The following PCDH10 variants were observed in gnomAD, a reference collection of about 807,000 sequenced individuals.
PCDH10 encodes the protein protocadherin-10.
In PCDH10, 15 loss-of-function variants were observed where a neutral mutation model predicts 74.4. The ratio of observed to expected loss-of-function variants is 0.20; its 90% CI spans 0.13 to 0.31. PCDH10 has a LOEUF of 0.31. Ranked by LOEUF, PCDH10 falls within the 10% of genes least tolerant of loss-of-function variation. The probability of loss-of-function intolerance (pLI) is 1.00; values close to 1 mark genes in which losing one functional copy is unlikely to be tolerated. For missense variants in PCDH10, 1,260 were observed against 1,390.2 expected, an observed-to-expected ratio of 0.91 and a Z score of 1.49; for synonymous variants, 619 against 589.8, an observed-to-expected ratio of 1.05 and a Z score of -0.72.
In PCDH10 at chr4:133,152,067, C is replaced by A. The variant is rs776356564; in HGVS notation, c.1927C>A (p.Arg643=). ...WRTGELRTAR[R]VPAKRDPQRP... ...CACCGGGGAGCTGCGCACAGCACGC[C>A]GAGTCCCGGCCAAGCGCGACCCCCA... Residue 643 remains arginine (R), a synonymous_variant, in exon 1 of 5, where the codon CGA becomes AGA. Transcript: ENST00000264360. 2.9e-5 allele frequency: 46 copies of A among 1,604,796 alleles called. No individual in the cohort carries two copies. The highest frequency in any genetic ancestry group is 3.3e-4 in the Middle Eastern group (2 of 6,020).
chr4:133,189,220 T>C (rs1727605713), intron 4 of PCDH10, among the ~76,000 whole-genome samples: 1 of 152,174 alleles, frequency 6.6e-6, no homozygotes, highest in Non-Finnish European at 1.5e-5. Flanking sequence ...CTTTGTAACT[T>C]TTAATGAGAT....
Position 133,152,364 on chromosome 4 carries a change from A to C in PCDH10, c.2224A>C (p.Lys742Gln), listed in dbSNP as rs752199952. 1.2e-6 allele frequency: 2 copies of C among 1,614,056 alleles called. No individual in the cohort carries two copies. Among genetic ancestry groups the C allele is most frequent in the Non-Finnish European group, 1.7e-6 (2 of 1,180,042 alleles). The change falls in exon 1 of 5, where the codon AAA (lysine) becomes CAA (glutamine). Residue 742 changes from lysine to glutamine, a missense_variant. By Grantham distance (53) the Lys-to-Gln change is moderately conservative. Around this residue, in one of 11 missense-constraint regions of PCDH10, gnomAD observed 587 missense variants for 616.9 expected, o/e 0.95. Coordinates refer to ENST00000264360, the MANE Select transcript of PCDH10 (RefSeq NM_032961.3). ...AMIVLAVRCQ[K>Q]EKKLNIYTCL... ...GATCGTGCTGGCCGTGCGTTGCCAA[A>C]AAGAGAAGAAGCTCAACATCTATAC...
intron 2 of PCDH10, among the ~76,000 whole-genome samples, chr4:133,206,419 C>T (rs1028959854): frequency 6.6e-5 from 10 of 152,114 alleles, no homozygotes; most frequent in African/African-American, 2.2e-4. Flanking sequence ...GGAGGTCTAA[C>T]TGCTTCTTAA....
intron 4 of PCDH10, among the ~76,000 whole-genome samples, chr4:133,176,852 A>G (rs1727306035): frequency 6.6e-6 from 1 of 152,146 alleles, no homozygotes; most frequent in Non-Finnish European, 1.5e-5. Context: ...TTGGTTATAT[A>G]CAACAGTGAA....
rs1727694230 is a variant in PCDH10 at position 133,192,281 on chromosome 4, A to G, written c.*2121A>G. On this transcript the variant is annotated 3_prime_UTR_variant, in exon 5 of 5. Transcript: ENST00000264360. ...ACTATTTTAGTAAGGAAATGTTTAT[A>G]CATAATTTAACTGGAAAAAAGTCTG... 6.6e-6 allele frequency: 1 copy of G among 151,684 alleles called. No homozygotes were observed. The highest frequency in any genetic ancestry group is 2.4e-5 in the African/African-American group (1 of 41,414). 9.4% of individuals were successfully genotyped at this position (151,684 alleles called of 1,614,324 possible).
At chr4:133,188,751 G>A (rs1232535470) in intron 4 of PCDH10, among the ~76,000 whole-genome samples, 1 of 132,182 alleles carries the variant, frequency 7.6e-6, no homozygotes, top group Non-Finnish European at 1.5e-5. Context: ...TCAGCTCACT[G>A]CAACCTCTGC....
chr4:133,200,820 T>C (rs1727894335), intron 2 of PCDH10, among the ~76,000 whole-genome samples: 1 of 152,212 alleles, frequency 6.6e-6, no homozygotes, highest in South Asian at 2.1e-4. Flanking sequence ...CTGTGTCTTA[T>C]TTTAAAATTG....
intron 1 of PCDH10, among the ~76,000 whole-genome samples, 194 bp from the exon 2 acceptor site, chr4:133,154,113 T>G (rs983311888): frequency 1.3e-5 from 2 of 152,134 alleles, no homozygotes; most frequent in African/African-American, 4.8e-5. Context: ...GTGACTAAAA[T>G]GTGGATTTAA....
chr4:133,183,421 T>C (rs1210109398), intron 4 of PCDH10, among the ~76,000 whole-genome samples: 1 of 152,072 alleles, frequency 6.6e-6, no homozygotes, highest in Non-Finnish European at 1.5e-5. Flanking sequence ...GAAAAAAATC[T>C]GTAATGTTTC....
intron 4 of PCDH10, among the ~76,000 whole-genome samples, chr4:133,184,488 T>C (rs1233837446): frequency 2.0e-5 from 3 of 151,538 alleles, no homozygotes; most frequent in Non-Finnish European, 4.4e-5. Context: ...CCTGGCGTTG[T>C]GGTGCGCAAC....
chr4:133,171,935 C>A (rs1266851293), intron 4 of PCDH10, among the ~76,000 whole-genome samples: 1 of 151,334 alleles, frequency 6.6e-6, no homozygotes, highest in Non-Finnish European at 1.5e-5. Flanking sequence ...TGATTCTTTA[C>A]TTACCTCAAT....
chr4:133,169,933 AAAT>A (rs1390234584), intron 4 of PCDH10, among the ~76,000 whole-genome samples: 2 of 152,050 alleles, frequency 1.3e-5, no homozygotes, highest in Non-Finnish European at 2.9e-5. Context: ...GTTCAAGTTT[AAAT>A]AATATTACTG....
intron 2 of PCDH10, among the ~76,000 whole-genome samples, chr4:133,205,982 G>C (rs1164887274): frequency 6.6e-6 from 1 of 152,114 alleles, no homozygotes; most frequent in African/African-American, 2.4e-5. Context: ...TTGGCTGTCA[G>C]CTCATAATTA....
intron 4 of PCDH10, among the ~76,000 whole-genome samples, chr4:133,181,646 G>A (rs988379813): frequency 1.3e-5 from 2 of 149,826 alleles, no homozygotes; most frequent in Non-Finnish European, 3.0e-5. Context: ...CTTTAGTGCA[G>A]GGTTGTTTTT....
At chr4:133,154,451 T>A in intron 2 of PCDH10, 86 bp downstream of exon 2, 1 of 709,656 alleles carries the variant, frequency 1.4e-6, no homozygotes, top group Non-Finnish European at 2.4e-6. Flanking sequence ...TAAATTAAAA[T>A]TGAAATGTAT....
chr4:133,163,768 C>T (rs1290500139), intron 4 of PCDH10: 1 of 350,116 alleles, frequency 2.9e-6, no homozygotes, highest in African/African-American at 2.2e-5. Context: ...ATTTCATCTA[C>T]TACAAAAATA....
At chr4:133,190,058 T>C in intron 4 of PCDH10, 83 bp from the exon 5 acceptor site, 1 of 1,184,514 alleles carries the variant, frequency 8.4e-7, no homozygotes, top group African/African-American at 1.5e-5. Context: ...TCTAACTGTA[T>C]TCTTTCTTTT....
At chr4:133,174,683 A>G (rs1727258788) in intron 4 of PCDH10, among the ~76,000 whole-genome samples, 1 of 151,366 alleles carries the variant, frequency 6.6e-6, no homozygotes. Context: ...GGTATTAGAC[A>G]ATTTAGAAAT....
At chr4:133,166,346 A>G (rs1727080862) in intron 4 of PCDH10, among the ~76,000 whole-genome samples, 1 of 151,592 alleles carries the variant, frequency 6.6e-6, no homozygotes, top group African/African-American at 2.4e-5. Context: ...ATAATTGCCT[A>G]CAGCACTTTA....
Sources: allele counts gnomAD v4.1 joint callset (sites outside exome capture counted in the v4.1 genomes callset), GRCh38; gene constraint gnomAD v4.1.1; regional missense constraint gnomAD v4.1.1; transcripts MANE v1.5; gene names NCBI Gene and HGNC (gene_info 2026-07-23, HGNC 2026-07-21).